Variants in IGDCC3 observed in about 807,000 individuals in gnomAD.
The protein encoded by IGDCC3 is immunoglobulin superfamily DCC subclass member 3.
Under a neutral mutation model 72.0 loss-of-function variants are expected in IGDCC3, and 47 were observed. The ratio of observed to expected loss-of-function variants is 0.65; its 90% confidence interval spans 0.52 to 0.83. The LOEUF is 0.83. IGDCC3 is among the 40% of genes least tolerant of loss of function. The pLI is 0.00. For synonymous variants in IGDCC3, 477 were observed against 472.8 expected (o/e 1.01, Z -0.11); for missense variants, 1,038 against 1,091.3 (o/e 0.95, Z 0.69).
At chr15:65,349,259 AT>A (rs201575888) in intron 2 of IGDCC3, among the ~76,000 whole-genome samples, 1 of 152,188 alleles carries the variant, frequency 6.6e-6, no homozygotes, top group East Asian at 1.9e-4. Context: ...TGAAAAAAAA[AT>A]AATTTTCCTT....
rs372217015 is a variant in IGDCC3 at position 65,333,316 on chromosome 15, G to A, written c.923C>T (p.Ala308Val). ...CACCCGGGTGCCAGGTCTGTTGGCTGCACAGACGTAGACGCCAGAGTGCTG... is the reference window on the plus strand; with the variant it reads ...CACCCGGGTGCCAGGTCTGTTGGCTACACAGACGTAGACGCCAGAGTGCTG... ...TVQHSGVYVCAANRPGTRVRR... is the reference protein window; with the variant it reads ...TVQHSGVYVCVANRPGTRVRR... The change falls in exon 6 of 14, where the codon GCA (alanine) becomes GTA (valine). Residue 308 changes from alanine (A) to valine (V), a missense_variant. Ala to Val is a moderately conservative substitution (Grantham distance 64, BLOSUM62 0). Transcript: ENST00000327987. 11 of 1,612,920 alleles carry A rather than the reference G, an allele frequency of 6.8e-6. No homozygotes were observed. Among genetic ancestry groups the A allele is most frequent in the Non-Finnish European group, 9.3e-6 (11 of 1,179,642 alleles).
At chr15:65,342,784 G>C (rs1305997815) in intron 2 of IGDCC3, among the ~76,000 whole-genome samples, 1 of 152,230 alleles carries the variant, frequency 6.6e-6, no homozygotes, top group African/African-American at 2.4e-5. Context: ...GGCAGGGAAG[G>C]CCTCACATGG....
intron 2 of IGDCC3, among the ~76,000 whole-genome samples, chr15:65,361,316 C>T (rs965408600): frequency 3.3e-5 from 5 of 151,414 alleles, no homozygotes; most frequent in African/African-American, 1.2e-4. Flanking sequence ...GTGGTGCAGG[C>T]CTGTAGTCCC....
Position 65,339,254 on chromosome 15 carries a change from G to T in IGDCC3, c.410-3298C>A, listed in dbSNP as rs2091057986. Among the ~76,000 whole-genome samples, 2 of 152,212 alleles carry T rather than the reference G, an allele frequency of 1.3e-5. No individual in the cohort carries two copies. The highest frequency in any genetic ancestry group is 4.2e-4 in the South Asian group (2 of 4,818). The stretch of plus-strand genomic sequence containing the variant: ...ACGCCACCATGCCCAGCTAATTTTT[G>T]TATTTTTAGTAGAGATGGGCTTTCA... On this transcript the variant is annotated intron_variant, in intron 2 of 13. Transcript: ENST00000327987. This position sits in a 1 kb window ranked among gnomAD's most constrained non-coding sequence, Gnocchi z 4.1.
chr15:65,334,732 G>A lies in IGDCC3; in HGVS notation c.819C>T (p.Arg273=). The change falls in exon 5 of 14, where the codon CGC becomes CGT. Residue 273 remains arginine, a synonymous_variant. Transcript: ENST00000327987. ...GGCTGTGGGGATGAGGCTCACCCAG[G>A]CGGCTCCAGGACACAATGGGGCGCG... ...GNPRPIVSWS[R]LDGRPIGVEG... is the part of the protein sequence containing the mutation. 3.2e-6 allele frequency: 5 copies of A among 1,566,366 alleles called. No individual in the cohort carries two copies. Among genetic ancestry groups the A allele is most frequent in the Non-Finnish European group, 4.3e-6 (5 of 1,156,220 alleles).
chr15:65,375,801 A>G (rs755201085), intron 1 of IGDCC3, among the ~76,000 whole-genome samples: 1 of 152,164 alleles, frequency 6.6e-6, no homozygotes, highest in Non-Finnish European at 1.5e-5. Flanking sequence ...CTGAAGCCTC[A>G]CAGACCTTCA....
intron 2 of IGDCC3, among the ~76,000 whole-genome samples, chr15:65,372,539 C>T (rs1388322423): frequency 6.6e-6 from 1 of 151,400 alleles, no homozygotes; most frequent in Non-Finnish European, 1.5e-5. Flanking sequence ...AACCATCCGC[C>T]TCTGGCCCGG....
rs1384110439 is a variant in IGDCC3, at chr15:65,335,429, G to A, written c.555-8C>T. 2 of 1,601,670 alleles carry A rather than the reference G, an allele frequency of 1.2e-6. No homozygotes were observed. Among genetic ancestry groups the A allele is most frequent in the East Asian group, 2.2e-5 (1 of 44,830 alleles). On this transcript the variant is annotated splice_polypyrimidine_tract_variant and splice_region_variant and intron_variant, in intron 3 of 13. Transcript: ENST00000327987. ...TTGGGCAGCAATGTGTACCTGTTGA[G>A]GGGAGGGACATAGTTGGCCACCAGC...
intron 2 of IGDCC3, among the ~76,000 whole-genome samples, chr15:65,336,568 T>C (rs1372046947): frequency 6.6e-6 from 1 of 151,974 alleles, no homozygotes; most frequent in Non-Finnish European, 1.5e-5. Flanking sequence ...CTGCAGTCTC[T>C]CGATGCACCC....
At chr15:65,338,069 C>G (rs1034550540) in intron 2 of IGDCC3, among the ~76,000 whole-genome samples, 1 of 152,218 alleles carries the variant, frequency 6.6e-6, no homozygotes, top group African/African-American at 2.4e-5. Context: ...GCCTGACTCC[C>G]TCCTCCTCCC....
At chr15:65,334,185 G>A (rs112389355) in intron 5 of IGDCC3, among the ~76,000 whole-genome samples, 6 of 151,792 alleles carry the variant, frequency 4.0e-5, no homozygotes, top group African/African-American at 1.2e-4. Context: ...TTTCCTTCCC[G>A]AGTGACCTTT....
intron 2 of IGDCC3, among the ~76,000 whole-genome samples, chr15:65,366,405 A>C (rs2091288485): frequency 6.6e-6 from 1 of 152,050 alleles, no homozygotes; most frequent in African/African-American, 2.4e-5. Context: ...AGGATAGAAC[A>C]ATAAAGAAAG....
Position 65,328,711 on chromosome 15 carries a change from C to T in IGDCC3, c.*198G>A, listed in dbSNP as rs2090945282. The T allele has an allele frequency of 2.0e-6, 1 of 501,622 alleles. No individual in the cohort carries two copies. The highest frequency in any genetic ancestry group is 4.2e-5 in the Admixed American group (1 of 23,896). The allele number at this position is 501,622 out of a possible 1,614,324, so 31.1% of individuals were successfully genotyped here. A position where few individuals can be genotyped will look rare whatever the true frequency, so the allele number is the denominator to read the frequency against. Reference sequence around the variant, plus strand: ...AAGGAACAGGCTCCTGCAGGAACTGCTCCAACTCCTGATGGGTGTTAGGGC... The same window carrying T: ...AAGGAACAGGCTCCTGCAGGAACTGTTCCAACTCCTGATGGGTGTTAGGGC... On this transcript the variant is annotated 3_prime_UTR_variant, in exon 14 of 14. Coordinates refer to ENST00000327987, the MANE Select transcript of IGDCC3 (RefSeq NM_004884.4).
intron 2 of IGDCC3, among the ~76,000 whole-genome samples, chr15:65,351,350 C>T (rs28806865): frequency 1.4e-4 from 22 of 152,150 alleles, no homozygotes; most frequent in African/African-American, 4.1e-4. Context: ...CTGGCTAACA[C>T]GGTGAAACTC....
intron 2 of IGDCC3, among the ~76,000 whole-genome samples, chr15:65,338,544 C>A (rs1166330868): frequency 6.6e-6 from 1 of 152,136 alleles, no homozygotes; most frequent in Non-Finnish European, 1.5e-5. Flanking sequence ...TCACCCCCAC[C>A]CCTGGGAGCC....
chr15:65,366,954 A>G (rs2091291108), intron 2 of IGDCC3, among the ~76,000 whole-genome samples: 1 of 152,238 alleles, frequency 6.6e-6, no homozygotes, highest in Admixed American at 6.5e-5. Context: ...AAGCTCAGAA[A>G]TCAGGGAGAG....
intron 2 of IGDCC3, among the ~76,000 whole-genome samples, chr15:65,357,579 G>A (rs1043583793): frequency 5.9e-5 from 9 of 152,192 alleles, no homozygotes; most frequent in Admixed American, 3.9e-4. Flanking sequence ...GGGACCAAAC[G>A]AGCAGGAGCC....
chr15:65,329,550 C>T lies in IGDCC3; in HGVS notation c.2045G>A (p.Gly682Asp), dbSNP rs1170692199. Reference sequence around the variant, plus strand: ...GCCAGGGTCCCTCTGGCTCCGGGGACCCTGTGGAGGGGACAGCTGGTTTTC... The same window carrying T: ...GCCAGGGTCCCTCTGGCTCCGGGGATCCTGTGGAGGGGACAGCTGGTTTTC... ...DVENQLSPPQ[G>D]PRSQRDPGIL... Residue 682 changes from glycine (G) to aspartate (D), a missense_variant, in exon 13 of 14, where the codon GGT (glycine) becomes GAT (aspartate). By Grantham distance (94) the Gly-to-Asp change is moderately conservative. Coordinates refer to ENST00000327987, the MANE Select transcript of IGDCC3 (RefSeq NM_004884.4). This position sits in a 1 kb window ranked among gnomAD's most constrained non-coding sequence, Gnocchi z 4.1. The T allele has an allele frequency of 2.5e-6, 4 of 1,610,406 alleles. No homozygotes were observed. In the African/African-American group the frequency reaches 4.0e-5, roughly 16 times the overall value.
Position 65,333,353 on chromosome 15 carries a change from C to A in IGDCC3, c.886G>T (p.Asp296Tyr). Residue 296 changes from aspartate to tyrosine, a missense_variant, in exon 6 of 14, where the codon GAC becomes TAC. Coordinates refer to ENST00000327987, the MANE Select transcript of IGDCC3 (RefSeq NM_004884.4). ...VLGTGNLIIS[D>Y]VTVQHSGVYV... ...ACGCCAGAGTGCTGGACCGTCACGT[C>A]TGAGATGATGAGGTTTCCTGTGCCC... 6.2e-7 allele frequency: 1 copy of A among 1,612,702 alleles called. No homozygotes were observed. The highest frequency in any genetic ancestry group is 2.2e-5 in the East Asian group (1 of 44,778).
Sources: gnomAD v4.1 joint callset for allele counts (sites outside exome capture counted in the v4.1 genomes callset) on GRCh38, gnomAD v4.1.1 for gene constraint, Gnocchi (gnomAD v3.1) non-coding constraint, MANE v1.5 for transcripts, NCBI Gene and HGNC (gene_info 2026-07-23, HGNC 2026-07-21) for gene names.